The following CCDC117 variants were observed in gnomAD, a reference collection of about 807,000 sequenced individuals.
The protein encoded by CCDC117 is coiled-coil domain containing 117.
In CCDC117, 1 loss-of-function variant was observed where a neutral mutation model predicts 23.5. The ratio of observed to expected loss-of-function variants is 0.04; its 90% CI spans 0.02 to 0.20. The LOEUF (loss-of-function observed/expected upper bound fraction) is 0.20. Ranked by LOEUF, CCDC117 falls within the 10% of genes least tolerant of loss-of-function variation. The probability of loss-of-function intolerance (pLI) is 1.00; values close to 1 mark genes in which losing one functional copy is unlikely to be tolerated. For synonymous variants in CCDC117, 132 were observed against 124.8 expected (o/e 1.06, Z -0.39); for missense variants, 383 against 348.2 (o/e 1.10, Z -0.80).
chr22:28,776,920 A>G (rs1369802191), intron 2 of CCDC117, among the ~76,000 whole-genome samples: 2 of 151,584 alleles, frequency 1.3e-5, no homozygotes, highest in African/African-American at 4.9e-5. Context: ...TGGTTGTGCC[A>G]TGTTGGCCAG....
intron 3 of CCDC117, among the ~76,000 whole-genome samples, chr22:28,782,595 C>T (rs76848398): frequency 6.6e-6 from 1 of 152,078 alleles, no homozygotes; most frequent in Non-Finnish European, 1.5e-5. Context: ...CCTGCCATCA[C>T]ACCTGGCTAA....
chr22:28,783,610 T>G lies in CCDC117; in HGVS notation c.567T>G (p.Phe189Leu). The G allele has an allele frequency of 6.2e-7, 1 of 1,613,888 alleles. No individual in the cohort carries two copies. Among genetic ancestry groups the G allele is most frequent in the Non-Finnish European group, 8.5e-7 (1 of 1,179,866 alleles). ...TGAAAACAGGTTTGAAGAGGGAATT[T>G]GATGAAGTTTTTACAAAGAAAATGA... ...DTMKTGLKRE[F>L]DEVFTKKMIE... The change falls in exon 4 of 5, where the codon TTT becomes TTG. Residue 189 changes from phenylalanine (F) to leucine (L), a missense_variant. Phe to Leu is a conservative substitution (Grantham distance 22, BLOSUM62 0). Transcript: ENST00000249064.
chr22:28,780,050 A>G (rs932534963), intron 2 of CCDC117, among the ~76,000 whole-genome samples: 2 of 152,206 alleles, frequency 1.3e-5, no homozygotes, highest in African/African-American at 4.8e-5. Flanking sequence ...TGGCATGGAG[A>G]TATGATTCAG....
intron 4 of CCDC117, among the ~76,000 whole-genome samples, chr22:28,785,162 G>A (rs1054549810): frequency 1.3e-5 from 2 of 148,634 alleles, no homozygotes; most frequent in African/African-American, 5.0e-5. Context: ...TAGTCATTTT[G>A]CCTTAACCAT....
At chr22:28,773,463 C>G (rs910882308) in intron 1 of CCDC117, 2 of 515,904 alleles carry the variant, frequency 3.9e-6, no homozygotes, top group Non-Finnish European at 7.0e-6. Context: ...GCGCCTGCCC[C>G]GAGGACGTTT....
rs1040183361 is a variant in CCDC117, at chr22:28,783,373, A to AT, written c.465-129dup. ...ACCTTTTATACTCAGGTATAGCCTC[A>AT]TTTTTTGCTTGTTCTATTGCTGTAT... On this transcript the variant is annotated intron_variant, in intron 3 of 4. Coordinates refer to ENST00000249064, the MANE Select transcript of CCDC117 (RefSeq NM_173510.4). 23 of 777,590 alleles carry AT rather than the reference A, an allele frequency of 3.0e-5. No individual in the cohort carries two copies. In the East Asian group the frequency reaches 4.2e-4, roughly 14 times the overall value. The allele number at this position is 777,590 out of a possible 1,614,324, so 48.2% of individuals were successfully genotyped here. A position where few individuals can be genotyped will look rare whatever the true frequency, so the allele number is the denominator to read the frequency against.
In CCDC117 at chr22:28,783,576, C is replaced by G. The variant is rs201539039; in HGVS notation, c.533C>G (p.Ser178Cys). ...AACCATCTCCCCAGTCTTGTCCTTT[C>G]TGATACCATGAAAACAGGTTTGAAG... ...NVNHLPSLVL[S>C]DTMKTGLKRE... Residue 178 changes from serine (S) to cysteine (C), a missense_variant, in exon 4 of 5, where the codon TCT (serine) becomes TGT (cysteine). By Grantham distance (112) the Ser-to-Cys change is moderately radical. Transcript: ENST00000249064. 4.3e-6 allele frequency: 7 copies of G among 1,613,670 alleles called. No individual in the cohort carries two copies. Among genetic ancestry groups the G allele is most frequent in the Non-Finnish European group, 5.9e-6 (7 of 1,179,648 alleles).
At chr22:28,775,006 G>A (rs2031121766) in intron 2 of CCDC117, among the ~76,000 whole-genome samples, 1 of 152,204 alleles carries the variant, frequency 6.6e-6, no homozygotes. Flanking sequence ...GCTCACACCT[G>A]TAATCCCAGC....
intron 2 of CCDC117, among the ~76,000 whole-genome samples, chr22:28,777,337 C>G (rs2031194683): frequency 6.6e-6 from 1 of 150,982 alleles, no homozygotes; most frequent in Non-Finnish European, 1.5e-5. Context: ...CTGGCCTATT[C>G]TATATCTTAA....
Position 28,786,139 on chromosome 22 carries a change from T to C in CCDC117, c.653T>C (p.Leu218Pro). 3 of 1,614,136 alleles carry C rather than the reference T, an allele frequency of 1.9e-6. No homozygotes were observed. The highest frequency in any genetic ancestry group is 2.5e-6 in the Non-Finnish European group (3 of 1,180,008). Residue 218 changes from leucine (L) to proline (P), a missense_variant, in exon 5 of 5, where the codon CTT becomes CCT. Coordinates refer to ENST00000249064, the MANE Select transcript of CCDC117 (RefSeq NM_173510.4). Reference sequence around the variant, plus strand: ...CTCTGGAAACCCCTCCCTGAACTCCTTTCTGATAAGCCAAAGCCATCCTCT... The same window carrying C: ...CTCTGGAAACCCCTCCCTGAACTCCCTTCTGATAAGCCAAAGCCATCCTCT... ...LVLWKPLPELLSDKPKPSSNT... is the reference protein window; with the variant it reads ...LVLWKPLPELPSDKPKPSSNT...
rs2031569375 is a variant in CCDC117, at chr22:28,788,023, C to G, written c.*1697C>G. The G allele has an allele frequency of 6.6e-6, 1 of 152,592 alleles. No individual in the cohort carries two copies. Among genetic ancestry groups the G allele is most frequent in the African/African-American group, 2.4e-5 (1 of 41,444 alleles). 9.5% of individuals were successfully genotyped at this position (152,592 alleles called of 1,614,324 possible). ...TGGACTGTTGCTTCTTTGCCTGTTC[C>G]TGCTTTCTCTTTCTGTCTGGATAGT... On this transcript the variant is annotated 3_prime_UTR_variant, in exon 5 of 5. Transcript: ENST00000249064.
chr22:28,782,557 A>G (rs1173794230), intron 3 of CCDC117, among the ~76,000 whole-genome samples: 1 of 151,548 alleles, frequency 6.6e-6, no homozygotes, highest in African/African-American at 2.4e-5. Flanking sequence ...TCCTGCCTCA[A>G]TCTCCTGAGT....
At chr22:28,782,312 A>G (rs975345079) in intron 3 of CCDC117, among the ~76,000 whole-genome samples, 1 of 140,388 alleles carries the variant, frequency 7.1e-6, no homozygotes, top group African/African-American at 2.8e-5. Flanking sequence ...GCTGGAGTAC[A>G]ATGGTGTGAA....
chr22:28,773,633 G>A lies in CCDC117; in HGVS notation c.186-92G>A, dbSNP rs1301844654. 3 of 1,025,078 alleles carry A rather than the reference G, an allele frequency of 2.9e-6. No individual in the cohort carries two copies. The Admixed American group carries it at 5.8e-5, about 20-fold the overall frequency. The allele number at this position is 1,025,078 out of a possible 1,614,324, so 63.5% of individuals were successfully genotyped here. The stretch of plus-strand genomic sequence containing the variant: ...CAGAAAGGGACGTTTGGTATGTGGG[G>A]ATGAGCAAGATTATTGGAGCAAGAA... On this transcript the variant is annotated intron_variant, in intron 1 of 4. Transcript: ENST00000249064.
At chr22:28,776,776 G>A (rs533247088) in intron 2 of CCDC117, among the ~76,000 whole-genome samples, 201 of 152,060 alleles carry the variant, frequency 1.3e-3, no homozygotes, top group Non-Finnish European at 1.7e-3. Context: ...TAGAGATGGG[G>A]TTTCTGCATT....
chr22:28,783,366 T>C, intron 3 of CCDC117, 142 bp from the exon 4 acceptor site: 7 of 709,088 alleles, frequency 9.9e-6, no homozygotes, highest in Non-Finnish European at 1.4e-5. Context: ...TACTCAGGTA[T>C]AGCCTCATTT....
At chr22:28,777,505 C>CTT (rs923239951) in intron 2 of CCDC117, among the ~76,000 whole-genome samples, 8 of 138,718 alleles carry the variant, frequency 5.8e-5, no homozygotes, top group Non-Finnish European at 7.9e-5. Flanking sequence ...GACATCTTTT[C>CTT]TTTTTTTTTT....
In CCDC117 at chr22:28,788,854, A is replaced by G. The variant is rs2031590914; in HGVS notation, c.*2528A>G. On this transcript the variant is annotated 3_prime_UTR_variant, in exon 5 of 5. Transcript: ENST00000249064. The stretch of plus-strand genomic sequence containing the variant: ...GTAGCTTTTGCAGCATGGATCAAAC[A>G]TTGGCTTACTGTGCTAATGTGTGAA... 1.3e-5 allele frequency: 2 copies of G among 152,594 alleles called. No individual in the cohort carries two copies. The highest frequency in any genetic ancestry group is 2.9e-5 in the Non-Finnish European group (2 of 68,034). 9.5% of individuals were successfully genotyped at this position (152,594 alleles called of 1,614,324 possible).
intron 2 of CCDC117, among the ~76,000 whole-genome samples, chr22:28,780,471 T>C (rs1440048081): frequency 6.6e-6 from 1 of 152,166 alleles, no homozygotes; most frequent in African/African-American, 2.4e-5. Flanking sequence ...TGACTTTTGG[T>C]TTCTTTTTTT....
Sources: gnomAD v4.1 joint callset for allele counts (sites outside exome capture counted in the v4.1 genomes callset) on GRCh38, gnomAD v4.1.1 for gene constraint, MANE v1.5 for transcripts, NCBI Gene and HGNC (gene_info 2026-07-23, HGNC 2026-07-21) for gene names.